NKAIN3: variants seen among roughly 807,000 people sequenced by gnomAD.
NKAIN3 encodes the protein sodium/potassium-transporting ATPase subunit beta-1-interacting protein 3.
A neutral mutation model predicts 30.2 loss-of-function variants in NKAIN3; 25 were observed. That is an observed-to-expected ratio of 0.83 (90% CI 0.60 to 1.16). NKAIN3 has a LOEUF of 1.16. NKAIN3 is among the 50% of genes most tolerant of loss of function. NKAIN3 has a pLI of 0.00. For missense variants in NKAIN3, 225 were observed against 254.1 expected, an observed-to-expected ratio of 0.89 and a Z score of 0.78; for synonymous variants, 91 against 89.6, an observed-to-expected ratio of 1.02 and a Z score of -0.09.
chr8:62,877,028 C>A (rs1211469960), intron 4 of NKAIN3, among the ~76,000 whole-genome samples: 1 of 151,552 alleles, frequency 6.6e-6, no homozygotes, highest in Non-Finnish European at 1.5e-5. Context: ...GAAAGCCAAG[C>A]TACCCTGCCT....
rs1824011882 is a variant in NKAIN3 at position 62,978,908 on chromosome 8, GA to G, written c.*13502del. On this transcript the variant is annotated 3_prime_UTR_variant, in exon 7 of 7. Transcript: ENST00000623646. ...GACCATGGGAAAAGCGTAGTATCTG[GA>G]CCGGAGTGCACCCCCACTCACGGCA... is the stretch of plus-strand genomic sequence containing the variant. 1 of 153,774 alleles carries G rather than the reference GA, an allele frequency of 6.5e-6. No homozygotes were observed. Among genetic ancestry groups the G allele is most frequent in the African/African-American group, 2.4e-5 (1 of 41,450 alleles). The allele number at this position is 153,774 out of a possible 1,614,324, so 9.5% of individuals were successfully genotyped here. A position where few individuals can be genotyped will look rare whatever the true frequency, so the allele number is the denominator to read the frequency against.
intron 4 of NKAIN3, among the ~76,000 whole-genome samples, chr8:62,768,617 T>C (rs895743920): frequency 6.6e-6 from 1 of 152,116 alleles, no homozygotes; most frequent in African/African-American, 2.4e-5. Context: ...AGGGCAGTTG[T>C]CAACAGGAAA....
At chr8:62,628,121 A>G (rs1726796324) in intron 3 of NKAIN3, among the ~76,000 whole-genome samples, 1 of 152,138 alleles carries the variant, frequency 6.6e-6, no homozygotes, top group Non-Finnish European at 1.5e-5. Context: ...ACTGCTTCAC[A>G]GAGTGGGAAG....
At chr8:62,700,102 G>C (rs561382517) in intron 3 of NKAIN3, among the ~76,000 whole-genome samples, 1 of 152,062 alleles carries the variant, frequency 6.6e-6, no homozygotes, top group Non-Finnish European at 1.5e-5. Flanking sequence ...TCCAGTCTGG[G>C]CAATAGAGCA....
intron 1 of NKAIN3, among the ~76,000 whole-genome samples, chr8:62,351,805 C>T (rs1360885454): frequency 6.6e-6 from 1 of 152,050 alleles, no homozygotes; most frequent in Non-Finnish European, 1.5e-5. Context: ...TGAAAATTAC[C>T]TTTCAGTTTT....
chr8:62,709,966 T>C (rs953700093), intron 3 of NKAIN3, among the ~76,000 whole-genome samples: 2 of 152,176 alleles, frequency 1.3e-5, no homozygotes, highest in African/African-American at 4.8e-5. Flanking sequence ...TCTATCTTGA[T>C]TTTATTTTTG....
At chr8:62,408,008 G>T (rs904015865) in intron 1 of NKAIN3, among the ~76,000 whole-genome samples, 1 of 152,170 alleles carries the variant, frequency 6.6e-6, no homozygotes, top group Admixed American at 6.5e-5. Flanking sequence ...TCTACGCTGG[G>T]TAACAGTGAG....
Position 62,915,675 on chromosome 8 carries a change from C to A in NKAIN3, c.472-2778C>A, listed in dbSNP as rs193188323. Among the ~76,000 whole-genome samples the A allele has an allele frequency of 7.9e-4, 120 of 152,242 alleles. No homozygotes were observed. The East Asian group carries it at 9.9e-3, about 13-fold the overall frequency. ...GCAGGTATACACATATACACACACA[C>A]CCCTAAGGGAGAACCCACCAAGAAC... On this transcript the variant is annotated intron_variant, in intron 4 of 6. Coordinates refer to ENST00000623646, the MANE Select transcript of NKAIN3 (RefSeq NM_001304533.3).
intron 4 of NKAIN3, among the ~76,000 whole-genome samples, chr8:62,850,905 G>C (rs1052273015): frequency 6.6e-6 from 1 of 152,060 alleles, no homozygotes; most frequent in Non-Finnish European, 1.5e-5. Flanking sequence ...CTCCAGCTTT[G>C]TTCTTTTGGC....
At chr8:62,249,948 A>G (rs1295775431) in intron 1 of NKAIN3, among the ~76,000 whole-genome samples, 3 of 152,210 alleles carry the variant, frequency 2.0e-5, no homozygotes, top group Non-Finnish European at 4.4e-5. Context: ...TTCCATGGTC[A>G]CTTGAGGTCA....
At chr8:62,318,592 AT>A (rs1438083851) in intron 1 of NKAIN3, among the ~76,000 whole-genome samples, 1 of 149,466 alleles carries the variant, frequency 6.7e-6, no homozygotes, top group Non-Finnish European at 1.5e-5. Context: ...TGAGATAATC[AT>A]GTGGTTTTTG....
At chr8:62,816,389 G>C (rs1017324035) in intron 4 of NKAIN3, among the ~76,000 whole-genome samples, 4 of 152,142 alleles carry the variant, frequency 2.6e-5, no homozygotes, top group African/African-American at 9.7e-5. Context: ...CTGGTTCTTG[G>C]GTTCTTGGGG....
chr8:62,500,465 GA>G (rs370794324), intron 1 of NKAIN3, among the ~76,000 whole-genome samples: 49 of 125,438 alleles, frequency 3.9e-4, no homozygotes, highest in African/African-American at 1.5e-3. Flanking sequence ...AAGAAAGAAA[GA>G]AAGAAAGAAA....
Position 62,410,383 on chromosome 8 carries a change from A to G in NKAIN3, c.54+161256A>G, listed in dbSNP as rs528031790. Among the ~76,000 whole-genome samples the G allele has an allele frequency of 2.0e-3, 297 of 152,296 alleles. 3 individuals are homozygous for G. Among genetic ancestry groups the G allele is most frequent in the African/African-American group, 6.9e-3 (288 of 41,574 alleles). ...ACTGATGGGCACTTAGGTTGATTCC[A>G]TGTATTTGCTATTGTGAATAACAAG... On this transcript the variant is annotated intron_variant, in intron 1 of 6. Transcript: ENST00000623646.
At chr8:62,652,479 T>G (rs1045181562) in intron 3 of NKAIN3, among the ~76,000 whole-genome samples, 31 of 152,166 alleles carry the variant, frequency 2.0e-4, no homozygotes, top group African/African-American at 7.2e-4. Context: ...AAGATAACAG[T>G]TTTTAGAATT....
At chr8:62,642,063 G>C (rs1159333752) in intron 3 of NKAIN3, among the ~76,000 whole-genome samples, 5 of 151,742 alleles carry the variant, frequency 3.3e-5, no homozygotes, top group African/African-American at 1.2e-4. Flanking sequence ...CTGCACTCCT[G>C]GGAAAAATGC....
intron 1 of NKAIN3, among the ~76,000 whole-genome samples, chr8:62,568,402 T>C (rs1809822598): frequency 6.6e-6 from 1 of 152,210 alleles, no homozygotes; most frequent in Non-Finnish European, 1.5e-5. Flanking sequence ...TATTACTGTT[T>C]TGTAGGCTTT....
At chr8:62,314,599 C>T (rs1220688955) in intron 1 of NKAIN3, among the ~76,000 whole-genome samples, 1 of 152,128 alleles carries the variant, frequency 6.6e-6, no homozygotes, top group Non-Finnish European at 1.5e-5. Context: ...TTAGCCTGTA[C>T]CACACACTTC....
At chr8:62,940,500 G>A (rs981755615) in intron 5 of NKAIN3, among the ~76,000 whole-genome samples, 2 of 151,938 alleles carry the variant, frequency 1.3e-5, no homozygotes, top group African/African-American at 2.4e-5. Context: ...ATTCTCCAAG[G>A]TGGACCATAA....
Sources: allele counts gnomAD v4.1 joint callset (sites outside exome capture counted in the v4.1 genomes callset), GRCh38; gene constraint gnomAD v4.1.1; transcripts MANE v1.5; gene names NCBI Gene and HGNC (gene_info 2026-07-23, HGNC 2026-07-21).